SLC2A9: variants seen among roughly 807,000 people sequenced by gnomAD.
SLC2A9 encodes the protein solute carrier family 2 member 9.
SLC2A9 carries 39 observed loss-of-function variants against 50.6 expected under a neutral mutation model. The ratio of observed to expected loss-of-function variants is 0.77; its 90% confidence interval spans 0.60 to 1.01. The LOEUF is 1.01. Ranked by LOEUF, SLC2A9 falls within the 50% of genes least tolerant of loss-of-function variation. SLC2A9 has a pLI of 0.00. For synonymous variants in SLC2A9, 324 were observed against 276.9 expected, an observed-to-expected ratio of 1.17 and a Z score of -1.69; for missense variants, 686 against 677.6, an observed-to-expected ratio of 1.01 and a Z score of -0.14.
intron 4 of SLC2A9, among the ~76,000 whole-genome samples, chr4:9,983,674 C>T (rs560017589): frequency 4.6e-5 from 7 of 152,246 alleles, no homozygotes; most frequent in East Asian, 3.9e-4. Flanking sequence ...ACTGCCCAGC[C>T]GACCCACAGA....
chr4:9,966,076 C>G (rs1482533999), intron 5 of SLC2A9, among the ~76,000 whole-genome samples: 1 of 152,170 alleles, frequency 6.6e-6, no homozygotes, highest in Non-Finnish European at 1.5e-5. Flanking sequence ...AAATTCTCAT[C>G]TATTATTTTT....
chr4:9,846,920 T>A (rs1006950309), intron 10 of SLC2A9, among the ~76,000 whole-genome samples: 4 of 152,218 alleles, frequency 2.6e-5, no homozygotes, highest in Non-Finnish European at 5.9e-5. Flanking sequence ...TGTCACTTAA[T>A]CCTTTAGATA....
At chr4:9,801,224 C>T (rs902033368) in intron 3 of SLC2A9, among the ~76,000 whole-genome samples, 6 of 152,154 alleles carry the variant, frequency 3.9e-5, no homozygotes, top group African/African-American at 1.2e-4. Context: ...TAGACTTTCC[C>T]CACCATCTCT....
intron 5 of SLC2A9, among the ~76,000 whole-genome samples, chr4:9,962,452 C>A (rs1281396956): frequency 6.6e-6 from 1 of 152,152 alleles, no homozygotes; most frequent in Non-Finnish European, 1.5e-5. Flanking sequence ...TTATCCTCAG[C>A]AAACTAACAC....
intron 5 of SLC2A9, among the ~76,000 whole-genome samples, chr4:9,976,807 G>A (rs1194942579): frequency 1.3e-5 from 2 of 152,190 alleles, no homozygotes; most frequent in Non-Finnish European, 2.9e-5. Context: ...CCAGGTCCTC[G>A]AATCAGCTCT....
chr4:10,008,678 G>C (rs866251970), intron 2 of SLC2A9, among the ~76,000 whole-genome samples: 1 of 152,144 alleles, frequency 6.6e-6, no homozygotes, highest in African/African-American at 2.4e-5. Context: ...CATTAAAAGC[G>C]GCCTCTGGAT....
intron 10 of SLC2A9, among the ~76,000 whole-genome samples, chr4:9,838,094 C>T (rs1462415409): frequency 1.3e-5 from 2 of 152,114 alleles, no homozygotes; most frequent in Admixed American, 6.5e-5. Flanking sequence ...GTGTTAGATA[C>T]TATAATAATA....
intron 3 of SLC2A9, among the ~76,000 whole-genome samples, chr4:9,808,717 G>A (rs181984455): frequency 5.3e-5 from 8 of 152,260 alleles, no homozygotes; most frequent in East Asian, 1.9e-4. Context: ...CTTTGAGAAA[G>A]GTTGTCTCTC....
rs1365034901 is a variant in SLC2A9 at position 9,941,827 on chromosome 4, G to T, written c.814+86C>A. The stretch of plus-strand genomic sequence containing the variant: ...AGGAACAATGACAACACCCCTTCCT[G>T]TGCCCATTGGCCCAGGTCCCAGCAT... On this transcript the variant is annotated intron_variant, in intron 6 of 11. Coordinates refer to ENST00000264784, the MANE Select transcript of SLC2A9 (RefSeq NM_020041.3). 4 of 1,582,056 alleles carry T rather than the reference G, an allele frequency of 2.5e-6. No individual in the cohort carries two copies. The South Asian group carries it at 4.5e-5, about 18-fold the overall frequency.
intron 3 of SLC2A9, chr4:9,782,599 G>A (rs1718610518): frequency 3.1e-6 from 5 of 1,613,950 alleles, no homozygotes; most frequent in Non-Finnish European, 4.2e-6. Flanking sequence ...CTTGGGGCGG[G>A]CTGGACCTGC....
intron 3 of SLC2A9, among the ~76,000 whole-genome samples, chr4:9,816,404 T>C (rs1403237119): frequency 6.6e-6 from 1 of 152,098 alleles, no homozygotes; most frequent in Admixed American, 6.5e-5. Context: ...GGAAAGATGA[T>C]AGTCAAAGGG....
intron 3 of SLC2A9, among the ~76,000 whole-genome samples, chr4:9,990,496 C>G (rs1201503875): frequency 6.6e-6 from 1 of 152,112 alleles, no homozygotes; most frequent in Non-Finnish European, 1.5e-5. Context: ...ACACAGGGAA[C>G]TGAAAGTCCT....
At chr4:9,873,929 C>G (rs1268209652) in intron 10 of SLC2A9, among the ~76,000 whole-genome samples, 1 of 152,198 alleles carries the variant, frequency 6.6e-6, no homozygotes, top group African/African-American at 2.4e-5. Flanking sequence ...CTGGTTTATT[C>G]CCTCCTCTGC....
chr4:9,986,328 A>G (rs1197179057), intron 3 of SLC2A9, among the ~76,000 whole-genome samples: 3 of 152,188 alleles, frequency 2.0e-5, no homozygotes, highest in Non-Finnish European at 4.4e-5. Context: ...CTGAGGAGCA[A>G]TATGATTCTG....
At chr4:9,812,445 A>G (rs1723011544) in intron 3 of SLC2A9, among the ~76,000 whole-genome samples, 1 of 152,218 alleles carries the variant, frequency 6.6e-6, no homozygotes, top group Non-Finnish European at 1.5e-5. Context: ...TGTGAAAACC[A>G]AAGAGGATTA....
chr4:9,807,093 C>T lies in SLC2A9; in HGVS notation n.421-7852G>A, dbSNP rs75164297. ...TTAAAAGTAATCCCAGATATAGTGG[C>T]CATCCAGCTGGCTGGCATGTGGATG... On this transcript the variant is annotated intron_variant and non_coding_transcript_variant, in intron 3 of 3. Transcript: ENST00000503280. Among the ~76,000 whole-genome samples, 874 of 152,230 alleles carry T rather than the reference C, an allele frequency of 5.7e-3. 30 individuals carry two copies. The East Asian group carries it at 0.081, about 14-fold the overall frequency.
intron 3 of SLC2A9, among the ~76,000 whole-genome samples, chr4:9,990,513 G>A (rs565958009): frequency 1.8e-4 from 28 of 152,274 alleles, no homozygotes; most frequent in African/African-American, 6.5e-4. Flanking sequence ...TCCTGTGTGA[G>A]CTCAGAGAAG....
At chr4:10,013,330 A>T (rs1762079048) in intron 2 of SLC2A9, among the ~76,000 whole-genome samples, 1 of 152,198 alleles carries the variant, frequency 6.6e-6, no homozygotes, top group Admixed American at 6.5e-5. Context: ...ACCCTTGTGG[A>T]TGCACGAGGT....
intron 5 of SLC2A9, among the ~76,000 whole-genome samples, chr4:9,973,150 G>C (rs1289855959): frequency 6.6e-6 from 1 of 152,178 alleles, no homozygotes; most frequent in African/African-American, 2.4e-5. Flanking sequence ...AATATCTTCA[G>C]AGACTATTAT....
Sources: gnomAD v4.1 joint callset for allele counts (sites outside exome capture counted in the v4.1 genomes callset) on GRCh38, gnomAD v4.1.1 for gene constraint, MANE v1.5 for transcripts, NCBI Gene and HGNC (gene_info 2026-07-23, HGNC 2026-07-21) for gene names.